The following IL1RAPL2 variants were observed in gnomAD, a reference collection of about 807,000 sequenced individuals.
IL1RAPL2 encodes the protein interleukin 1 receptor accessory protein like 2, also known as X-linked interleukin-1 receptor accessory protein-like 2.
In IL1RAPL2, 3 loss-of-function variants were observed where a neutral mutation model predicts 44.1. The observed-to-expected ratio is 0.07, with a 90% confidence interval of 0.03 to 0.18. The LOEUF (loss-of-function observed/expected upper bound fraction) is 0.18. Ranked by LOEUF, IL1RAPL2 falls within the 10% of genes least tolerant of loss-of-function variation. The pLI, the probability that IL1RAPL2 is intolerant of heterozygous loss-of-function variation, is 1.00. For missense variants in IL1RAPL2, 391 were observed against 496.4 expected, an observed-to-expected ratio of 0.79 and a Z score of 2.02; for synonymous variants, 181 against 178.8, an observed-to-expected ratio of 1.01 and a Z score of -0.10.
At chrX:104,703,429 T>C (rs1931311947) in intron 2 of IL1RAPL2, among the ~76,000 whole-genome samples, 1 of 111,929 alleles carries the variant, frequency 8.9e-6, no homozygotes, top group African/African-American at 3.2e-5. Context: ...CCATTTTACT[T>C]GGTAAAATAA....
At chrX:105,008,992 GA>G (rs1252098971) in intron 2 of IL1RAPL2, among the ~76,000 whole-genome samples, 1 of 111,963 alleles carries the variant, frequency 8.9e-6, no homozygotes, top group Non-Finnish European at 1.9e-5. Context: ...ACAAACACAT[GA>G]AAAACTGCTC....
intron 6 of IL1RAPL2, among the ~76,000 whole-genome samples, chrX:105,703,249 G>A (rs976853521): frequency 1.8e-5 from 2 of 111,173 alleles, no homozygotes; most frequent in African/African-American, 6.5e-5. Flanking sequence ...CCTCAGTTTT[G>A]AGAAGTAAAT....
At chrX:104,632,983 T>C (rs1233109615) in intron 1 of IL1RAPL2, among the ~76,000 whole-genome samples, 1 of 111,661 alleles carries the variant, frequency 9.0e-6, no homozygotes, top group Non-Finnish European at 1.9e-5. Flanking sequence ...GGGTTTGTCA[T>C]AGATAGTTCT....
chrX:104,716,497 A>G (rs1321556085), intron 2 of IL1RAPL2, among the ~76,000 whole-genome samples: 1 of 111,754 alleles, frequency 8.9e-6, no homozygotes, highest in Admixed American at 9.5e-5. Context: ...CAGATAATCT[A>G]TGGAATGAAA....
At chrX:105,529,995 G>C (rs1217517110) in intron 6 of IL1RAPL2, among the ~76,000 whole-genome samples, 2 of 112,186 alleles carry the variant, frequency 1.8e-5, no homozygotes, top group Non-Finnish European at 3.8e-5. Flanking sequence ...GGTAAATAGT[G>C]CTGCTATGAA....
At chrX:105,150,847 T>G (rs1234923399) in intron 2 of IL1RAPL2, among the ~76,000 whole-genome samples, 1 of 111,602 alleles carries the variant, frequency 9.0e-6, no homozygotes, top group Non-Finnish European at 1.9e-5. Flanking sequence ...ACTATTTCCT[T>G]GACCTGTCTT....
intron 2 of IL1RAPL2, among the ~76,000 whole-genome samples, chrX:104,839,127 G>A (rs866622613): frequency 9.1e-6 from 1 of 109,830 alleles, no homozygotes; most frequent in Non-Finnish European, 1.9e-5. Flanking sequence ...GGGATTACAA[G>A]CATGAGCCAC....
intron 6 of IL1RAPL2, among the ~76,000 whole-genome samples, chrX:105,653,702 T>G (rs2147844168): frequency 9.0e-6 from 1 of 111,503 alleles, no homozygotes; most frequent in East Asian, 2.8e-4. Flanking sequence ...CAAGTATTAC[T>G]CATATGAAGT....
intron 6 of IL1RAPL2, among the ~76,000 whole-genome samples, chrX:105,534,162 C>T (rs935598451): frequency 1.8e-5 from 2 of 111,928 alleles, no homozygotes; most frequent in Non-Finnish European, 3.8e-5. Context: ...CTGACTCATA[C>T]TGGCTTTCAA....
At chrX:104,885,304 A>T (rs983209102) in intron 2 of IL1RAPL2, among the ~76,000 whole-genome samples, 1 of 111,673 alleles carries the variant, frequency 9.0e-6, no homozygotes, top group East Asian at 2.8e-4. Context: ...CTTGACTCAG[A>T]TCATGGGGAC....
intron 9 of IL1RAPL2, among the ~76,000 whole-genome samples, chrX:105,753,312 G>A (rs1413704327): frequency 1.8e-5 from 2 of 111,518 alleles, no homozygotes; most frequent in African/African-American, 3.3e-5. Flanking sequence ...AATTTAGGGA[G>A]GTTTGTGAAA....
At chrX:104,651,956 T>G (rs1442809574) in intron 1 of IL1RAPL2, among the ~76,000 whole-genome samples, 1 of 111,389 alleles carries the variant, frequency 9.0e-6, no homozygotes, top group Non-Finnish European at 1.9e-5. Context: ...GATTTGAATG[T>G]AGGTAGTTTA....
At chrX:104,572,503 G>A (rs899248383) in intron 1 of IL1RAPL2, among the ~76,000 whole-genome samples, 2 of 112,168 alleles carry the variant, frequency 1.8e-5, no homozygotes, top group African/African-American at 6.5e-5. Context: ...TTCTCTGCCT[G>A]TTGAAAACAA....
At chrX:104,635,595 ATC>A (rs1206175342) in intron 1 of IL1RAPL2, among the ~76,000 whole-genome samples, 1 of 111,116 alleles carries the variant, frequency 9.0e-6, no homozygotes, top group Non-Finnish European at 1.9e-5. Context: ...CATTCATTTG[ATC>A]TTCCATCACT....
intron 6 of IL1RAPL2, among the ~76,000 whole-genome samples, chrX:105,586,104 G>A (rs186945507): frequency 8.0e-5 from 9 of 111,922 alleles, no homozygotes; most frequent in African/African-American, 1.9e-4. Flanking sequence ...CTACCCATAT[G>A]ACAAAGGTCT....
intron 3 of IL1RAPL2, among the ~76,000 whole-genome samples, chrX:105,200,047 A>T (rs782190003): frequency 6.3e-5 from 7 of 111,809 alleles, no homozygotes; most frequent in African/African-American, 2.3e-4. Flanking sequence ...AGGTGATTTT[A>T]TGCAATTGCC....
chrX:104,597,172 C>T (rs1291116975), intron 1 of IL1RAPL2, among the ~76,000 whole-genome samples: 27 of 109,447 alleles, frequency 2.5e-4, no homozygotes, highest in African/African-American at 7.3e-4. Flanking sequence ...AGTGAAACCC[C>T]ATCTCTACCA....
chrX:105,475,812 G>A (rs1314985132), intron 5 of IL1RAPL2, among the ~76,000 whole-genome samples: 4 of 112,206 alleles, frequency 3.6e-5, no homozygotes, highest in Non-Finnish European at 7.5e-5. Context: ...AATAAACATT[G>A]TTCTCTCCAG....
At chrX:104,834,651 A>G (rs1179711321) in intron 2 of IL1RAPL2, among the ~76,000 whole-genome samples, 1 of 112,294 alleles carries the variant, frequency 8.9e-6, no homozygotes, top group Non-Finnish European at 1.9e-5. Flanking sequence ...AAACATATAA[A>G]GAATGCAAAG....
Sources: gnomAD v4.1 joint callset for allele counts (sites outside exome capture counted in the v4.1 genomes callset) on GRCh38, gnomAD v4.1.1 for gene constraint, MANE v1.5 for transcripts, NCBI Gene and HGNC (gene_info 2026-07-23, HGNC 2026-07-21) for gene names.